SPATA16: variants seen among roughly 807,000 people sequenced by gnomAD.
The protein encoded by SPATA16 is spermatogenesis associated 16.
SPATA16 carries 36 observed loss-of-function variants against 63.3 expected under a neutral mutation model. That is an observed-to-expected ratio of 0.57 (90% CI 0.44 to 0.75). SPATA16 has a LOEUF of 0.75. Ranked by LOEUF, SPATA16 falls within the 30% of genes least tolerant of loss-of-function variation. SPATA16 has a pLI of 0.00. For missense variants in SPATA16, 646 were observed against 679.3 expected, an observed-to-expected ratio of 0.95 and a Z score of 0.54; for synonymous variants, 203 against 216.7, an observed-to-expected ratio of 0.94 and a Z score of 0.56.
intron 2 of SPATA16, among the ~76,000 whole-genome samples, chr3:173,092,583 A>C (rs1420456896): frequency 1.3e-5 from 2 of 152,180 alleles, no homozygotes; most frequent in African/African-American, 4.8e-5. Context: ...GGAAGGGTCC[A>C]ACAGCCAAAG....
chr3:173,128,333 A>G (rs1477234253), intron 1 of SPATA16, among the ~76,000 whole-genome samples: 1 of 152,176 alleles, frequency 6.6e-6, no homozygotes, highest in African/African-American at 2.4e-5. Flanking sequence ...TTAAGAATTT[A>G]TTAATTAATT....
At chr3:172,933,110 A>G (rs1002834991) in intron 6 of SPATA16, among the ~76,000 whole-genome samples, 14 of 152,206 alleles carry the variant, frequency 9.2e-5, no homozygotes, top group African/African-American at 9.6e-5. Context: ...CCTTGATCCT[A>G]CTTTTATCAA....
chr3:173,065,738 A>G (rs1736503495), intron 2 of SPATA16, among the ~76,000 whole-genome samples: 1 of 152,190 alleles, frequency 6.6e-6, no homozygotes, highest in Non-Finnish European at 1.5e-5. Context: ...ATTGAAACTC[A>G]GTGCTGCCCT....
At chr3:172,973,233 A>G (rs1734085438) in intron 5 of SPATA16, among the ~76,000 whole-genome samples, 1 of 152,190 alleles carries the variant, frequency 6.6e-6, no homozygotes, top group Non-Finnish European at 1.5e-5. Context: ...TCAATTTCCA[A>G]TTCAATCAGA....
At chr3:173,055,394 G>A (rs1480054072) in intron 2 of SPATA16, among the ~76,000 whole-genome samples, 1 of 152,174 alleles carries the variant, frequency 6.6e-6, no homozygotes, top group Non-Finnish European at 1.5e-5. Context: ...TTCAATGGAT[G>A]AATGATTAAA....
At chr3:172,893,199 CT>C (rs978026062) in intron 10 of SPATA16, among the ~76,000 whole-genome samples, 4 of 152,138 alleles carry the variant, frequency 2.6e-5, no homozygotes, top group African/African-American at 9.7e-5. Flanking sequence ...AGAATGTGGC[CT>C]TATCTGGAGA....
intron 2 of SPATA16, among the ~76,000 whole-genome samples, chr3:173,097,233 G>A (rs894549009): frequency 6.6e-6 from 1 of 152,050 alleles, no homozygotes. Flanking sequence ...TGACTGTCCA[G>A]GCATACAGAG....
At chr3:172,983,107 G>T (rs1734359232) in intron 4 of SPATA16, among the ~76,000 whole-genome samples, 1 of 152,192 alleles carries the variant, frequency 6.6e-6, no homozygotes, top group Non-Finnish European at 1.5e-5. Context: ...GAAGGACATT[G>T]CTCTGCTCTC....
chr3:172,949,039 G>A (rs959508111), intron 6 of SPATA16, among the ~76,000 whole-genome samples: 6 of 152,126 alleles, frequency 3.9e-5, no homozygotes, highest in South Asian at 2.1e-4. Flanking sequence ...TAGGACATTA[G>A]TTACCTTGGT....
At chr3:172,936,543 G>T (rs2109594299) in intron 6 of SPATA16, among the ~76,000 whole-genome samples, 1 of 152,072 alleles carries the variant, frequency 6.6e-6, no homozygotes, top group South Asian at 2.1e-4. Context: ...TTGCTCTTAT[G>T]GTATTTTGTT....
chr3:172,907,582 GT>G (rs138562877), intron 10 of SPATA16, among the ~76,000 whole-genome samples: 8 of 146,232 alleles, frequency 5.5e-5, no homozygotes, highest in African/African-American at 5.0e-5. Context: ...TGTTTTTTTT[GT>G]TTTTTTTTTG....
intron 6 of SPATA16, among the ~76,000 whole-genome samples, chr3:172,933,400 C>G (rs185594929): frequency 3.3e-5 from 5 of 152,274 alleles, no homozygotes; most frequent in Non-Finnish European, 7.4e-5. Flanking sequence ...GTTATTCATT[C>G]AATCATAAGC....
chr3:173,080,851 T>C (rs1736906750), intron 2 of SPATA16, among the ~76,000 whole-genome samples: 1 of 152,172 alleles, frequency 6.6e-6, no homozygotes, highest in Non-Finnish European at 1.5e-5. Context: ...TCTGCATACA[T>C]ATGCTTGATG....
intron 3 of SPATA16, among the ~76,000 whole-genome samples, chr3:173,041,486 C>T (rs1379916480): frequency 6.6e-6 from 1 of 152,074 alleles, no homozygotes; most frequent in Non-Finnish European, 1.5e-5. Flanking sequence ...CATATGTTTT[C>T]CCAAAGCAAG....
intron 2 of SPATA16, among the ~76,000 whole-genome samples, chr3:173,063,982 T>C (rs1010096053): frequency 1.3e-5 from 2 of 152,082 alleles, no homozygotes; most frequent in Non-Finnish European, 2.9e-5. Flanking sequence ...GAAGAAGATT[T>C]ATGGATAGAA....
intron 3 of SPATA16, among the ~76,000 whole-genome samples, chr3:173,046,025 T>C (rs1396380432): frequency 6.6e-6 from 1 of 151,962 alleles, no homozygotes; most frequent in Non-Finnish European, 1.5e-5. Context: ...ACCCTAAAGG[T>C]AGGGAATATA....
chr3:172,957,712 A>T (rs1054192167), intron 5 of SPATA16, among the ~76,000 whole-genome samples: 7 of 152,226 alleles, frequency 4.6e-5, no homozygotes, highest in Admixed American at 3.3e-4. Context: ...ACTAACAAAC[A>T]ATACGGAAAA....
intron 10 of SPATA16, among the ~76,000 whole-genome samples, chr3:172,908,131 G>A (rs1732282894): frequency 6.6e-6 from 1 of 152,146 alleles, no homozygotes; most frequent in African/African-American, 2.4e-5. Flanking sequence ...CTGACACAGA[G>A]GAGGTATCCA....
chr3:172,942,143 C>T (rs898053768), intron 6 of SPATA16, among the ~76,000 whole-genome samples: 11 of 152,088 alleles, frequency 7.2e-5, no homozygotes, highest in African/African-American at 2.7e-4. Context: ...ATTTGTCAGG[C>T]ACTATTTAAG....
Sources: gnomAD v4.1 joint callset for allele counts (sites outside exome capture counted in the v4.1 genomes callset) on GRCh38, gnomAD v4.1.1 for gene constraint, MANE v1.5 for transcripts, NCBI Gene and HGNC (gene_info 2026-07-23, HGNC 2026-07-21) for gene names.